RARB: variants seen among roughly 807,000 people sequenced by gnomAD.
RARB encodes retinoic acid receptor beta.
In RARB, 17 loss-of-function variants were observed where a neutral mutation model predicts 51.9. The ratio of observed to expected loss-of-function variants is 0.33; its 90% confidence interval spans 0.22 to 0.49. The LOEUF is 0.49. RARB is among the 20% of genes least tolerant of loss of function. The probability of loss-of-function intolerance (pLI) is 0.99; values close to 1 mark genes in which losing one functional copy is unlikely to be tolerated. For missense variants in RARB, 369 were observed against 550.8 expected (o/e 0.67, Z 3.30); for synonymous variants, 215 against 195.4 (o/e 1.10, Z -0.84).
At chr3:25,142,588 ATTT>A (rs34526859) in intron 4 of RARB, among the ~76,000 whole-genome samples, 4 of 146,166 alleles carry the variant, frequency 2.7e-5, no homozygotes, top group African/African-American at 7.5e-5. Flanking sequence ...CACTGCCTGT[ATTT>A]TTTTTTTTTT....
intron 2 of RARB, among the ~76,000 whole-genome samples, chr3:25,478,824 T>C (rs1379468618): frequency 6.6e-6 from 1 of 152,256 alleles, no homozygotes; most frequent in Non-Finnish European, 1.5e-5. Flanking sequence ...CATATCACTA[T>C]TCTCATATTG....
chr3:25,311,129 G>A (rs1475782799), intron 5 of RARB, among the ~76,000 whole-genome samples: 3 of 152,148 alleles, frequency 2.0e-5, no homozygotes, highest in Non-Finnish European at 2.9e-5. Flanking sequence ...AGAGGGTGTC[G>A]GGTTTGTGCC....
rs1157552493 is a variant in RARB at position 25,428,683 on chromosome 3, C to T, written c.-49C>T. 2.6e-6 allele frequency: 4 copies of T among 1,559,112 alleles called. No individual in the cohort carries two copies. Among genetic ancestry groups the T allele is most frequent in the Non-Finnish European group, 2.6e-6 (3 of 1,142,046 alleles). On this transcript the variant is annotated 5_prime_UTR_variant, in exon 1 of 8. Coordinates refer to ENST00000330688, the MANE Select transcript of RARB (RefSeq NM_000965.5). The stretch of plus-strand genomic sequence containing the variant: ...TGGACTTTTCTATGCCATTTGCCTC[C>T]ACACCTAGAGGATAAGCACTTTTGC...
intron 5 of RARB, among the ~76,000 whole-genome samples, chr3:25,238,868 A>G (rs1198662916): frequency 6.6e-6 from 1 of 152,100 alleles, no homozygotes; most frequent in Non-Finnish European, 1.5e-5. Context: ...AGTCCCAGCT[A>G]TTAGGGAGGC....
intron 2 of RARB, among the ~76,000 whole-genome samples, chr3:24,929,765 T>G (rs1437446870): frequency 2.0e-5 from 3 of 152,140 alleles, no homozygotes; most frequent in East Asian, 3.9e-4. Flanking sequence ...TCCCAGCTGT[T>G]GTCAATGTGG....
intron 2 of RARB, among the ~76,000 whole-genome samples, chr3:24,865,465 T>C (rs951901888): frequency 2.0e-5 from 3 of 152,106 alleles, no homozygotes; most frequent in African/African-American, 7.2e-5. Flanking sequence ...TATCCCCATT[T>C]TCCAGATGAG....
At chr3:25,114,093 A>T (rs544481979) in intron 3 of RARB, among the ~76,000 whole-genome samples, 11 of 152,352 alleles carry the variant, frequency 7.2e-5, no homozygotes, top group African/African-American at 2.6e-4. Context: ...AAAGAATGCA[A>T]CTTGCATCAT....
chr3:25,456,663 A>G (rs928996157), intron 1 of RARB, among the ~76,000 whole-genome samples: 4 of 81,380 alleles, frequency 4.9e-5, no homozygotes, highest in Non-Finnish European at 9.2e-5. Flanking sequence ...ATATTTGAAT[A>G]TATATATATA....
In RARB at chr3:24,994,000, C is replaced by A. The variant is rs565719500; in HGVS notation, c.-379-66125C>A. Among the ~76,000 whole-genome samples the A allele has an allele frequency of 6.6e-5, 10 of 152,210 alleles. No individual in the cohort carries two copies. The South Asian group carries it at 2.1e-3, about 32-fold the overall frequency. ...GATGTGTCTTTGAAACAATGATTTTCTTTCCTTTGGATAAATTCCCAGTAG... is the reference window on the plus strand; with the variant it reads ...GATGTGTCTTTGAAACAATGATTTTATTTCCTTTGGATAAATTCCCAGTAG... On this transcript the variant is annotated intron_variant, in intron 2 of 11. Transcript: ENST00000383772.
rs528417781 is a variant in RARB at position 25,404,145 on chromosome 3, A to G, written c.179-57048A>G. Among the ~76,000 whole-genome samples, 89 of 152,282 alleles carry G rather than the reference A, an allele frequency of 5.8e-4. 2 individuals are homozygous for G. The South Asian group carries it at 0.018, about 31-fold the overall frequency. On this transcript the variant is annotated intron_variant, in intron 5 of 11. Transcript: ENST00000383772. ...AAGCAGGGAGGAGTGATATTTGTCA[A>G]CGTGTCAGTAGATTCTCAGGTTGCT...
chr3:24,988,020 A>G (rs558878051), intron 2 of RARB, among the ~76,000 whole-genome samples: 1 of 152,178 alleles, frequency 6.6e-6, no homozygotes, highest in South Asian at 2.1e-4. Flanking sequence ...TTTTACAGTA[A>G]GTAACAGAGT....
intron 5 of RARB, among the ~76,000 whole-genome samples, chr3:25,272,915 TC>T (rs1316179739): frequency 1.3e-5 from 2 of 152,184 alleles, no homozygotes; most frequent in Admixed American, 1.3e-4. Context: ...ATTACACACC[TC>T]CAAATTCTAT....
At chr3:25,035,368 A>G (rs929101014) in intron 2 of RARB, among the ~76,000 whole-genome samples, 1 of 148,510 alleles carries the variant, frequency 6.7e-6, no homozygotes, top group Non-Finnish European at 1.5e-5. Context: ...GCAATCTGAC[A>G]TGCTCAGTCT....
chr3:25,308,869 C>T (rs149306543), intron 5 of RARB, among the ~76,000 whole-genome samples: 94 of 152,240 alleles, frequency 6.2e-4, no homozygotes, highest in African/African-American at 2.2e-3. Context: ...AATCTGTCAC[C>T]GGGCACTAAC....
At chr3:24,883,876 A>T (rs941289485) in intron 2 of RARB, among the ~76,000 whole-genome samples, 12 of 152,134 alleles carry the variant, frequency 7.9e-5, no homozygotes, top group African/African-American at 2.2e-4. Flanking sequence ...TACTTCATTT[A>T]TATCTATGTA....
intron 5 of RARB, among the ~76,000 whole-genome samples, chr3:25,264,110 GATT>G (rs1559337106): frequency 2.1e-5 from 3 of 142,814 alleles, no homozygotes; most frequent in African/African-American, 7.4e-5. Context: ...GGGCATTGTT[GATT>G]TTTTTTTTTA....
At chr3:25,056,191 T>C (rs1698439487) in intron 2 of RARB, among the ~76,000 whole-genome samples, 1 of 152,012 alleles carries the variant, frequency 6.6e-6, no homozygotes, top group South Asian at 2.1e-4. Flanking sequence ...GCAGCCTAAA[T>C]TAGGAAAACA....
chr3:25,102,383 A>G (rs1699419924), intron 3 of RARB, among the ~76,000 whole-genome samples: 1 of 151,946 alleles, frequency 6.6e-6, no homozygotes, highest in Non-Finnish European at 1.5e-5. Context: ...TCTACTAAAA[A>G]TACAAAAATT....
chr3:25,432,802 A>AT (rs1272487416), intron 1 of RARB, among the ~76,000 whole-genome samples: 1 of 152,178 alleles, frequency 6.6e-6, no homozygotes, highest in Non-Finnish European at 1.5e-5. Flanking sequence ...GGAATTTATA[A>AT]TTTTTTAAAT....
Sources: gnomAD v4.1 joint callset for allele counts (sites outside exome capture counted in the v4.1 genomes callset) on GRCh38, gnomAD v4.1.1 for gene constraint, MANE v1.5 for transcripts, NCBI Gene and HGNC (gene_info 2026-07-23, HGNC 2026-07-21) for gene names.